SPTBN5: variants seen among roughly 807,000 people sequenced by gnomAD.
SPTBN5 encodes spectrin beta, non-erythrocytic 5, also known as spectrin beta chain, non-erythrocytic 5.
Under a neutral mutation model 477.6 loss-of-function variants are expected in SPTBN5, and 513 were observed. That is an observed-to-expected ratio of 1.07 (90% CI 1.00 to 1.16). The LOEUF (loss-of-function observed/expected upper bound fraction) is 1.16, where lower values mean the gene tolerates loss of function less well. SPTBN5 is among the 50% of genes most tolerant of loss of function. SPTBN5 has a pLI of 0.00. For synonymous variants in SPTBN5, 2,169 were observed against 2,011.7 expected (o/e 1.08, Z -2.09); for missense variants, 5,062 against 4,731.8 (o/e 1.07, Z -2.05).
chr15:41,870,840 C>T (rs1235220048), intron 29 of SPTBN5, among the ~76,000 whole-genome samples: 1 of 152,244 alleles, frequency 6.6e-6, no homozygotes, highest in Non-Finnish European at 1.5e-5. Context: ...TGCTTTGACT[C>T]ACAGTGCGTC....
Position 41,857,242 on chromosome 15 carries a change from G to T in SPTBN5, c.8617C>A (p.Gln2873Lys). Reference protein sequence around the residue: ...DVEEQARRLLQRFKSLREPLQ... With the variant: ...DVEEQARRLLKRFKSLREPLQ... ...TGAGGGCACGGGTGGATCTACCTCT[G>T]AAGCAGCCGCCGGGCCTGCTCTTCC... is the stretch of plus-strand genomic sequence containing the variant. Residue 2873 changes from glutamine to lysine, a missense_variant, in exon 51 of 68, where the codon CAG becomes AAG. Coordinates refer to ENST00000320955, the MANE Select transcript of SPTBN5 (RefSeq NM_016642.4). 6.3e-7 allele frequency: 1 copy of T among 1,584,734 alleles called. No homozygotes were observed. The highest frequency in any genetic ancestry group is 2.3e-5 in the East Asian group (1 of 43,634).
At chr15:41,882,208 G>T in intron 11 of SPTBN5, 61 bp downstream of exon 11, 1 of 1,458,528 alleles carries the variant, frequency 6.9e-7, no homozygotes, top group East Asian at 2.6e-5. Context: ...GCAGGTGCTG[G>T]CACCCCCACC....
rs1484254487 is a variant in SPTBN5, at chr15:41,851,264, C to G, written c.10743+19G>C. On this transcript the variant is annotated intron_variant, in intron 64 of 67. Transcript: ENST00000320955. ...TCCCAGCACCCTGATGTCTGCATCT[C>G]CCCTACCCCGCCTGGTACCTCCGCT... 1.9e-6 allele frequency: 3 copies of G among 1,551,678 alleles called. No homozygotes were observed. The highest frequency in any genetic ancestry group is 2.6e-6 in the Non-Finnish European group (3 of 1,147,194).
At position 41,855,281 on chromosome 15, in the gene SPTBN5, G is replaced by T; in HGVS notation, c.9366C>A (p.Thr3122=). 2 of 1,612,290 alleles carry T rather than the reference G, an allele frequency of 1.2e-6. No homozygotes were observed. The highest frequency in any genetic ancestry group is 1.7e-6 in the Non-Finnish European group (2 of 1,179,756). The change falls in exon 55 of 68, where the codon ACC becomes ACA. Residue 3122 remains threonine, a synonymous_variant. Transcript: ENST00000320955. ...RETLLLDAWL[T]TKAATAESQD... The stretch of plus-strand genomic sequence containing the variant: ...GGGACTCGGCGGTGGCCGCCTTGGT[G>T]GTCAGCCAGGCGTCGAGGAGCAGGG...
chr15:41,881,275 AAGC>A (rs1224015246), intron 12 of SPTBN5, 41 bp from the exon 13 acceptor site: 1 of 1,539,096 alleles, frequency 6.5e-7, no homozygotes, highest in Non-Finnish European at 8.8e-7. Flanking sequence ...CGACCCCATC[AAGC>A]AGCAGGGGCT....
At position 41,869,905 on chromosome 15, in the gene SPTBN5, CGCT is replaced by C; in HGVS notation, c.5786_5788del (p.Gln1929del). 6.5e-7 allele frequency: 1 copy of C among 1,550,276 alleles called. No individual in the cohort carries two copies. The highest frequency in any genetic ancestry group is 8.7e-7 in the Non-Finnish European group (1 of 1,150,024). On this transcript the variant is annotated inframe_deletion, in exon 32 of 68. Transcript: ENST00000320955. ...CTGGGCCCTGCGCTGCTCCATGCGT[CGCT>C]GCAGCACTGCCCACGCCTGCGTCAC...
intron 35 of SPTBN5, 21 bp downstream of exon 35, chr15:41,867,517 C>T (rs2066367837): frequency 1.2e-6 from 2 of 1,610,512 alleles, no homozygotes; most frequent in Non-Finnish European, 1.7e-6. Flanking sequence ...TGACCACGCC[C>T]AGGCCTCCTG....
In SPTBN5 at chr15:41,874,314, T is replaced by C; in HGVS notation, c.4667A>G (p.Gln1556Arg). The change falls in exon 24 of 68, where the codon CAG (glutamine) becomes CGG (arginine). Residue 1556 changes from glutamine (Q) to arginine (R), a missense_variant. Physicochemically the swap from Gln to Arg is conservative, Grantham distance 43. Transcript: ENST00000320955. ...TSYTECLNGAQSLHRKHKELQ... is the reference protein window; with the variant it reads ...TSYTECLNGARSLHRKHKELQ... ...TACCTTGTGCTTGCGGTGAAGGCTC[T>C]GGGCACCATTCAAGCACTCGGTATA... 4 of 1,613,218 alleles carry C rather than the reference T, an allele frequency of 2.5e-6. No homozygotes were observed. Among genetic ancestry groups the C allele is most frequent in the Non-Finnish European group, 3.4e-6 (4 of 1,179,580 alleles).
At chr15:41,892,445 CCTT>C (rs1448881839) in intron 3 of SPTBN5, among the ~76,000 whole-genome samples, 1 of 152,198 alleles carries the variant, frequency 6.6e-6, no homozygotes, top group Non-Finnish European at 1.5e-5. Flanking sequence ...CCTCCTCCCT[CCTT>C]CTCCAAGACA....
In SPTBN5 at chr15:41,892,963, CG is replaced by C; in HGVS notation, c.314del (p.Pro105ArgfsTer93). ...AGTGCACACGCAGGCGGCCCCGGCT[CG>C]GGGGTGGCAGGGCCTCCCCTGAGAT... ...ELISGEALPP[P>X]SRGRLRVHFL... On this transcript the variant is annotated frameshift_variant, in exon 3 of 68. Coordinates refer to ENST00000320955, the MANE Select transcript of SPTBN5 (RefSeq NM_016642.4). LOFTEE classifies it high-confidence loss of function. 3 of 1,609,188 alleles carry C rather than the reference CG, an allele frequency of 1.9e-6. No individual in the cohort carries two copies. The highest frequency in any genetic ancestry group is 1.7e-6 in the Non-Finnish European group (2 of 1,179,714).
chr15:41,888,667 G>T (rs532085286), intron 4 of SPTBN5, among the ~76,000 whole-genome samples: 1 of 152,332 alleles, frequency 6.6e-6, no homozygotes, highest in South Asian at 2.1e-4. Flanking sequence ...CACTATGTTG[G>T]CTAGGCTGGT....
At chr15:41,852,575 C>A in intron 61 of SPTBN5, 59 bp downstream of exon 61, 1 of 1,547,198 alleles carries the variant, frequency 6.5e-7, no homozygotes, top group Non-Finnish European at 8.9e-7. Context: ...CACTGACTTG[C>A]AGGCTGAGAG....
Position 41,882,011 on chromosome 15 carries a change from C to T in SPTBN5, c.2382G>A (p.Leu794=), listed in dbSNP as rs1381546855. 6.5e-7 allele frequency: 1 copy of T among 1,538,130 alleles called. No homozygotes were observed. The highest frequency in any genetic ancestry group is 8.7e-7 in the Non-Finnish European group (1 of 1,151,824). The part of the protein sequence containing the change: ...LRRHVRLERV[L]RAFAAELRRL... ...GCCGCAGCTCGGCCGCGAAGGCGCGCAGGACGCGCTCCAGCCGCACGTGGC... is the reference window on the plus strand; with the variant it reads ...GCCGCAGCTCGGCCGCGAAGGCGCGTAGGACGCGCTCCAGCCGCACGTGGC... The change falls in exon 12 of 68, where the codon CTG becomes CTA. Residue 794 remains leucine (L), a synonymous_variant. Coordinates refer to ENST00000320955, the MANE Select transcript of SPTBN5 (RefSeq NM_016642.4).
intron 53 of SPTBN5, 57 bp from the exon 54 acceptor site, chr15:41,855,802 T>G (rs762546805): frequency 2.5e-5 from 36 of 1,460,666 alleles, no homozygotes; most frequent in Non-Finnish European, 2.8e-5. Context: ...GGCTCAGGAT[T>G]TACAGCCACG....
At chr15:41,878,237 TG>T in intron 17 of SPTBN5, 104 bp downstream of exon 17, 1 of 1,377,110 alleles carries the variant, frequency 7.3e-7, no homozygotes, top group Non-Finnish European at 9.8e-7. Context: ...GGCCCCTCCC[TG>T]GGGAAATCAC....
At chr15:41,888,476 G>T (rs2067220780) in intron 4 of SPTBN5, among the ~76,000 whole-genome samples, 1 of 152,210 alleles carries the variant, frequency 6.6e-6, no homozygotes, top group African/African-American at 2.4e-5. Flanking sequence ...GTCACTGCAG[G>T]CTTTCTGTGA....
intron 17 of SPTBN5, among the ~76,000 whole-genome samples, chr15:41,877,970 G>A (rs572433814): frequency 6.6e-6 from 1 of 152,280 alleles, no homozygotes; most frequent in East Asian, 1.9e-4. Flanking sequence ...CCGTGGGTGG[G>A]TCCTGAGCCA....
At chr15:41,862,316 G>T in intron 43 of SPTBN5, 24 bp from the exon 44 acceptor site, 1 of 1,571,266 alleles carries the variant, frequency 6.4e-7, no homozygotes, top group Non-Finnish European at 8.6e-7. Flanking sequence ...TCATCAGCTA[G>T]TCGTCAGGCC....
In SPTBN5 at chr15:41,861,830, G is replaced by C. The variant is rs368720228; in HGVS notation, c.7642C>G (p.Arg2548Gly). Reference sequence around the variant, plus strand: ...TGTTCTAAGCCAGCCAGCACCTGGCGAATGTCGGAGCTGAAGGGGTGCCCC... The same window carrying C: ...TGTTCTAAGCCAGCCAGCACCTGGCCAATGTCGGAGCTGAAGGGGTGCCCC... ...TAGHPFSSDI[R>G]QVLAGLEQEL... Residue 2548 changes from arginine to glycine, a missense_variant, in exon 45 of 68, where the codon CGC becomes GGC. Arg to Gly is a moderately radical substitution (Grantham distance 125, BLOSUM62 -2). Coordinates refer to ENST00000320955, the MANE Select transcript of SPTBN5 (RefSeq NM_016642.4). 5.0e-6 allele frequency: 8 copies of C among 1,603,900 alleles called. No homozygotes were observed. The highest frequency in any genetic ancestry group is 6.8e-6 in the Non-Finnish European group (8 of 1,178,158).
Sources: gnomAD v4.1 joint callset for allele counts (sites outside exome capture counted in the v4.1 genomes callset) on GRCh38, gnomAD v4.1.1 for gene constraint, MANE v1.5 for transcripts, NCBI Gene and HGNC (gene_info 2026-07-23, HGNC 2026-07-21) for gene names.